SLC9B1: variants seen among roughly 807,000 people sequenced by gnomAD.
The protein encoded by SLC9B1 is solute carrier family 9 member B1.
SLC9B1 carries 32 observed loss-of-function variants against 51.7 expected under a neutral mutation model. The ratio of observed to expected loss-of-function variants is 0.62; its 90% confidence interval spans 0.47 to 0.83. SLC9B1 has a LOEUF of 0.83. SLC9B1 is among the 40% of genes least tolerant of loss of function. The pLI is 0.00. For synonymous variants in SLC9B1, 145 were observed against 212.7 expected, an observed-to-expected ratio of 0.68 and a Z score of 2.77; for missense variants, 406 against 613.2, an observed-to-expected ratio of 0.66 and a Z score of 3.57.
chr4:102,913,340 G>C (rs1735429907), intron 7 of SLC9B1, among the ~76,000 whole-genome samples: 1 of 152,190 alleles, frequency 6.6e-6, no homozygotes, highest in African/African-American at 2.4e-5. Flanking sequence ...AGATACCAGA[G>C]AGAACAACAG....
At position 102,887,226 on chromosome 4, in the gene SLC9B1, C is replaced by T. The variant is rs189167287; in HGVS notation, c.1333-1898G>A. The T allele has an allele frequency of 1.5e-4, 103 of 671,522 alleles. No homozygotes were observed. In the East Asian group the frequency reaches 2.2e-3, roughly 14 times the overall value. The allele number at this position is 671,522 out of a possible 1,614,324, so 41.6% of individuals were successfully genotyped here. A position where few individuals can be genotyped will look rare whatever the true frequency, so the allele number is the denominator to read the frequency against. ...AGAATGTAACTATTACTCAGGAAAA[C>T]GATCTGATTTTTTTTAGCAAGTGAT... On this transcript the variant is annotated intron_variant, in intron 11 of 11. Coordinates refer to the SLC9B1 transcript ENST00000394789.
At chr4:102,977,932 G>T (rs556035757) in intron 3 of SLC9B1, among the ~76,000 whole-genome samples, 1 of 152,154 alleles carries the variant, frequency 6.6e-6, no homozygotes, top group South Asian at 2.1e-4. Flanking sequence ...AACATTAGGT[G>T]TATCTCCTAA....
At chr4:102,897,824 G>A (rs1429888079), downstream of SLC9B1, 3 of 420,132 alleles carry the variant, frequency 7.1e-6, no homozygotes, top group South Asian at 3.8e-5. Flanking sequence ...TGCAGTTGCC[G>A]CTACTGCTAC....
At chr4:102,893,569 GA>G (rs1392080965) in intron 11 of SLC9B1, among the ~76,000 whole-genome samples, 1 of 152,042 alleles carries the variant, frequency 6.6e-6, no homozygotes, top group African/African-American at 2.4e-5. Context: ...TTTTTAAAAA[GA>G]AAAACCAATT....
chr4:102,906,317 G>C (rs1400269569), intron 10 of SLC9B1: 1 of 270,466 alleles, frequency 3.7e-6, no homozygotes, highest in Non-Finnish European at 6.8e-6. Context: ...TATTTCTTCA[G>C]ATAACTCAGG....
chr4:102,979,388 C>T (rs1192285590), intron 3 of SLC9B1, among the ~76,000 whole-genome samples: 1 of 152,144 alleles, frequency 6.6e-6, no homozygotes, highest in African/African-American at 2.4e-5. Context: ...CAGTAGTAAA[C>T]ACATGTGGGT....
At chr4:102,898,093 T>C (rs1174591070), downstream of SLC9B1, 3 of 490,204 alleles carry the variant, frequency 6.1e-6, no homozygotes, top group Non-Finnish European at 8.1e-6. Context: ...TTGTTGGAGA[T>C]TGGTTATTTA....
At chr4:102,903,315 A>G (rs1734872734) in intron 11 of SLC9B1, among the ~76,000 whole-genome samples, 1 of 152,250 alleles carries the variant, frequency 6.6e-6, no homozygotes, top group African/African-American at 2.4e-5. Context: ...TTAAAAATAA[A>G]AAGTTATTAT....
chr4:102,943,806 G>GTGA (rs1737139119), intron 6 of SLC9B1, among the ~76,000 whole-genome samples: 2 of 152,100 alleles, frequency 1.3e-5, no homozygotes, highest in African/African-American at 4.8e-5. Context: ...CACTGCTCTG[G>GTGA]TGATGGGTGC....
chr4:102,918,427 C>T (rs1297436491), intron 7 of SLC9B1, among the ~76,000 whole-genome samples: 11 of 152,132 alleles, frequency 7.2e-5, no homozygotes, highest in Non-Finnish European at 1.5e-4. Flanking sequence ...AAACCAAATA[C>T]CTGATAAGGG....
At chr4:102,913,910 A>G (rs748601311) in intron 7 of SLC9B1, among the ~76,000 whole-genome samples, 11 of 152,072 alleles carry the variant, frequency 7.2e-5, no homozygotes, top group Admixed American at 4.6e-4. Flanking sequence ...TAACTGCCCA[A>G]TGGGTTCACC....
At chr4:102,901,401 C>T in intron 11 of SLC9B1, 69 bp from the exon 12 acceptor site, 2 of 1,576,538 alleles carry the variant, frequency 1.3e-6, no homozygotes, top group Non-Finnish European at 1.7e-6. Context: ...ATGTAAATGG[C>T]TCTGTTAAAA....
chr4:103,015,614 T>C (rs986436019), intron 1 of SLC9B1, among the ~76,000 whole-genome samples: 4 of 152,204 alleles, frequency 2.6e-5, no homozygotes, highest in African/African-American at 9.7e-5. Flanking sequence ...GCTATTATTC[T>C]GATTGCTTTC....
chr4:103,006,608 A>C (rs1055672030), intron 1 of SLC9B1, among the ~76,000 whole-genome samples: 1 of 152,188 alleles, frequency 6.6e-6, no homozygotes, highest in Admixed American at 6.5e-5. Flanking sequence ...TATTCCAAAA[A>C]ATTGAAGAGG....
At chr4:103,019,414 T>A (rs1741620065) in intron 1 of SLC9B1, among the ~76,000 whole-genome samples, 185 bp downstream of exon 1, 1 of 150,590 alleles carries the variant, frequency 6.6e-6, no homozygotes, top group African/African-American at 2.4e-5. Flanking sequence ...AGGAAAGGAG[T>A]CACGGAGAGG....
intron 3 of SLC9B1, among the ~76,000 whole-genome samples, chr4:102,977,085 G>A (rs534455453): frequency 6.6e-6 from 1 of 152,152 alleles, no homozygotes; most frequent in Non-Finnish European, 1.5e-5. Flanking sequence ...AGGAAGTCAA[G>A]GTTGCAGTGA....
At chr4:103,001,910 T>C (rs1740543428) in intron 1 of SLC9B1, among the ~76,000 whole-genome samples, 1 of 152,226 alleles carries the variant, frequency 6.6e-6, no homozygotes, top group Admixed American at 6.5e-5. Flanking sequence ...CAGTTCTGCA[T>C]GGCTTAGGAG....
At chr4:103,015,370 C>T (rs1028577734) in intron 1 of SLC9B1, among the ~76,000 whole-genome samples, 12 of 151,210 alleles carry the variant, frequency 7.9e-5, no homozygotes, top group African/African-American at 2.9e-4. Context: ...ATGCTGTGAA[C>T]TGTTTCACAG....
In SLC9B1 at chr4:102,960,341, A is replaced by G. The variant is rs531423674; in HGVS notation, c.212-10914T>C. ...TTACAACTCTGGGTAGAGAAATAGT[A>G]AAATGGCCAGAAACAGACTGGCAAA... On this transcript the variant is annotated intron_variant, in intron 3 of 11. Transcript: ENST00000296422. 6.6e-5 allele frequency among the ~76,000 whole-genome samples: 10 copies of G among 152,270 alleles called. No individual in the cohort carries two copies. In the South Asian group the frequency reaches 2.1e-3, roughly 32 times the overall value.
Sources: allele counts gnomAD v4.1 joint callset (sites outside exome capture counted in the v4.1 genomes callset), GRCh38; gene constraint gnomAD v4.1.1; transcripts MANE v1.5; gene names NCBI Gene and HGNC (gene_info 2026-07-23, HGNC 2026-07-21).